Variants in FAAH2 observed in about 807,000 individuals in gnomAD.
FAAH2 encodes the protein fatty acid amide hydrolase 2.
A neutral mutation model predicts 36.9 loss-of-function variants in FAAH2; 60 were observed. The observed-to-expected ratio is 1.63, with a 90% CI of 1.32 to 2.02. The LOEUF is 2.02. Among genes scored for constraint, FAAH2 ranks in the 30% most tolerant of loss-of-function variants. FAAH2 has a pLI of 0.00. For missense variants in FAAH2, 689 were observed against 397.5 expected, an observed-to-expected ratio of 1.73 and a Z score of -6.23; for synonymous variants, 214 against 143.8, an observed-to-expected ratio of 1.49 and a Z score of -3.49.
At chrX:57,124,151 T>G in the FAAH2 span, among the ~76,000 whole-genome samples, 5 of 111,745 alleles carry the variant, frequency 4.5e-5, no homozygotes, top group Admixed American at 4.7e-4. Flanking sequence ...AACGTTTAAG[T>G]CTTTAATCCA....
chrX:57,438,130 C>G (rs955768063), intron 8 of FAAH2, among the ~76,000 whole-genome samples: 3 of 104,100 alleles, frequency 2.9e-5, no homozygotes, highest in Non-Finnish European at 5.9e-5. Context: ...TATGTATACA[C>G]GTGTATATAT....
intron 10 of FAAH2, among the ~76,000 whole-genome samples, chrX:57,481,829 A>C (rs1014667042): frequency 1.8e-5 from 2 of 112,058 alleles, no homozygotes; most frequent in South Asian, 7.5e-4. Context: ...GGCCAGAATG[A>C]TGAAATCCGC....
the FAAH2 span, among the ~76,000 whole-genome samples, chrX:57,207,459 C>A: frequency 9.0e-6 from 1 of 111,585 alleles, no homozygotes; most frequent in Non-Finnish European, 1.9e-5. Flanking sequence ...AATTTCTTTC[C>A]CTGAATAGTT....
intron 3 of FAAH2, among the ~76,000 whole-genome samples, chrX:57,314,183 G>A (rs1044267798): frequency 8.9e-6 from 1 of 111,761 alleles, no homozygotes; most frequent in African/African-American, 3.2e-5. Flanking sequence ...TCAATGAGAA[G>A]ACTGAACCAT....
chrX:57,392,681 A>C, intron 7 of FAAH2: 1 of 644,272 alleles, frequency 1.6e-6, no homozygotes, highest in Admixed American at 2.2e-5. Context: ...TCAGGGTCCA[A>C]ATCAGTATCA....
intron 10 of FAAH2, among the ~76,000 whole-genome samples, chrX:57,456,547 A>G (rs938680379): frequency 8.9e-6 from 1 of 112,210 alleles, no homozygotes; most frequent in Admixed American, 9.5e-5. Context: ...CATTAGCTAA[A>G]CTAACAAGGA....
At chrX:57,287,929 T>C (rs1011321301) in intron 1 of FAAH2, among the ~76,000 whole-genome samples, 1 of 111,556 alleles carries the variant, frequency 9.0e-6, no homozygotes, top group East Asian at 2.8e-4. Flanking sequence ...ATTGTACTCC[T>C]GGTTACCTTT....
intron 7 of FAAH2, chrX:57,393,943 G>T: frequency 1.1e-6 from 1 of 889,941 alleles, no homozygotes; most frequent in Non-Finnish European, 1.7e-6. Context: ...TCTTGTCAAT[G>T]CCTAGTCTGT....
At chrX:57,197,675 C>T in the FAAH2 span, among the ~76,000 whole-genome samples, 45,813 of 110,440 alleles carry the variant, frequency 0.41, 8,959 homozygotes, top group African/African-American at 0.75. Flanking sequence ...GCAGAGCTAC[C>T]GGGTTCCAGG....
the FAAH2 span, among the ~76,000 whole-genome samples, chrX:57,235,812 C>T: frequency 8.9e-6 from 1 of 112,364 alleles, no homozygotes. Context: ...GTTAGCATGC[C>T]CATCCCACCA....
At chrX:57,407,968 G>A (rs1196651671) in intron 7 of FAAH2, among the ~76,000 whole-genome samples, 1 of 111,637 alleles carries the variant, frequency 9.0e-6, no homozygotes, top group African/African-American at 3.3e-5. Flanking sequence ...TTATACACAT[G>A]GATTTAGTTT....
chrX:57,419,294 C>CAG (rs1307940184), intron 7 of FAAH2, among the ~76,000 whole-genome samples: 2 of 110,801 alleles, frequency 1.8e-5, no homozygotes, highest in African/African-American at 6.6e-5. Context: ...AATCACCACA[C>CAG]TGACTTCCAC....
At chrX:57,296,190 G>T (rs1384088264) in intron 2 of FAAH2, among the ~76,000 whole-genome samples, 1 of 111,952 alleles carries the variant, frequency 8.9e-6, no homozygotes, top group Admixed American at 9.4e-5. Context: ...ACCCTAACTG[G>T]GAGGCACCCC....
At chrX:57,234,568 G>T in the FAAH2 span, among the ~76,000 whole-genome samples, 1 of 111,817 alleles carries the variant, frequency 8.9e-6, no homozygotes, top group African/African-American at 3.3e-5. Flanking sequence ...CAACTGGACA[G>T]TCCCATCTTG....
chrX:57,388,679 T>A (rs1357699747), intron 7 of FAAH2, among the ~76,000 whole-genome samples: 1 of 111,176 alleles, frequency 9.0e-6, no homozygotes, highest in Non-Finnish European at 1.9e-5. Context: ...GACAAATGCA[T>A]AATGCCATGT....
intron 2 of FAAH2, among the ~76,000 whole-genome samples, chrX:57,300,997 C>G (rs2052342858): frequency 9.0e-6 from 1 of 111,186 alleles, no homozygotes; most frequent in South Asian, 3.8e-4. Context: ...AATAGGAACA[C>G]TTTTACAATG....
chrX:57,376,702 T>A (rs899744058), intron 5 of FAAH2, among the ~76,000 whole-genome samples: 2 of 112,156 alleles, frequency 1.8e-5, no homozygotes, highest in South Asian at 7.4e-4. Flanking sequence ...ATGGTATTTC[T>A]GGTTCTAGAT....
chrX:57,441,160 G>T (rs2056544547), intron 8 of FAAH2, among the ~76,000 whole-genome samples: 1 of 111,662 alleles, frequency 9.0e-6, no homozygotes, highest in Non-Finnish European at 1.9e-5. Flanking sequence ...CTATTGATTG[G>T]AATAGTTTCA....
intron 8 of FAAH2, among the ~76,000 whole-genome samples, chrX:57,433,785 A>T (rs1203879307): frequency 8.9e-6 from 1 of 112,246 alleles, no homozygotes; most frequent in Non-Finnish European, 1.9e-5. Flanking sequence ...TATAACATTT[A>T]TTTCTTTTTA....
Sources: allele counts gnomAD v4.1 joint callset (sites outside exome capture counted in the v4.1 genomes callset), GRCh38; gene constraint gnomAD v4.1.1; transcripts MANE v1.5; gene names NCBI Gene and HGNC (gene_info 2026-07-23, HGNC 2026-07-21).